The following KCNT2 variants were observed in gnomAD, a reference collection of about 807,000 sequenced individuals.
KCNT2 encodes potassium sodium-activated channel subfamily T member 2.
In KCNT2, 67 loss-of-function variants were observed where a neutral mutation model predicts 153.8. The observed-to-expected ratio is 0.44, with a 90% confidence interval of 0.36 to 0.53. The LOEUF (loss-of-function observed/expected upper bound fraction) is 0.53, where lower values mean the gene tolerates loss of function less well. Among genes scored for constraint, KCNT2 ranks in the 20% least tolerant of loss-of-function variants. KCNT2 has a pLI of 0.00. For synonymous variants in KCNT2, 500 were observed against 458.8 expected (o/e 1.09, Z -1.15); for missense variants, 975 against 1,354.8 (o/e 0.72, Z 4.40).
intron 8 of KCNT2, among the ~76,000 whole-genome samples, chr1:196,432,318 G>T (rs1330790093): frequency 6.6e-6 from 1 of 152,128 alleles, no homozygotes. Context: ...GCAGCACAGA[G>T]TCCCCAACTA....
chr1:196,492,167 C>T, intron 2 of KCNT2, 95 bp downstream of exon 2: 1 of 1,181,692 alleles, frequency 8.5e-7, no homozygotes. Context: ...AATTTTATTC[C>T]TCTATCTAAA....
At chr1:196,419,698 T>C (rs1286314741) in intron 12 of KCNT2, among the ~76,000 whole-genome samples, 5 of 152,074 alleles carry the variant, frequency 3.3e-5, no homozygotes, top group African/African-American at 1.2e-4. Flanking sequence ...CTTCAGAATT[T>C]TGAAAGCATT....
chr1:196,344,616 T>G (rs889109367), intron 14 of KCNT2, among the ~76,000 whole-genome samples: 2 of 152,140 alleles, frequency 1.3e-5, no homozygotes, highest in Admixed American at 1.3e-4. Flanking sequence ...AGTATTTGTT[T>G]GAGATCCAAA....
At chr1:196,358,552 ATTATTGT>A (rs1667362783) in intron 14 of KCNT2, among the ~76,000 whole-genome samples, 1 of 151,844 alleles carries the variant, frequency 6.6e-6, no homozygotes, top group Non-Finnish European at 1.5e-5. Flanking sequence ...AGTCTTCTAA[ATTATTGT>A]TTATACTACT....
chr1:196,507,915 A>G (rs1572676214), intron 1 of KCNT2, among the ~76,000 whole-genome samples: 1 of 152,002 alleles, frequency 6.6e-6, no homozygotes, highest in East Asian at 1.9e-4. Context: ...TATAATGAGT[A>G]AAAGATCAAA....
chr1:196,382,068 A>G (rs1445786110), intron 13 of KCNT2, among the ~76,000 whole-genome samples: 1 of 83,226 alleles, frequency 1.2e-5, no homozygotes, highest in Non-Finnish European at 3.0e-5. Context: ...ACTTAAGGAA[A>G]TAATGTTTAA....
intron 1 of KCNT2, among the ~76,000 whole-genome samples, chr1:196,535,127 C>T (rs1572749991): frequency 6.6e-6 from 1 of 152,130 alleles, no homozygotes; most frequent in African/African-American, 2.4e-5. Flanking sequence ...GGGTCAGTTC[C>T]TCTGAAATTA....
intron 1 of KCNT2, among the ~76,000 whole-genome samples, chr1:196,532,529 T>G (rs1365465854): frequency 6.6e-6 from 1 of 151,944 alleles, no homozygotes; most frequent in East Asian, 1.9e-4. Flanking sequence ...TATGTGTTTC[T>G]TACTCCAGCC....
At chr1:196,276,323 T>C (rs976204514) in intron 25 of KCNT2, among the ~76,000 whole-genome samples, 3 of 152,102 alleles carry the variant, frequency 2.0e-5, no homozygotes, top group Admixed American at 2.0e-4. Context: ...TTGATAACGA[T>C]GTTATATTCC....
chr1:196,334,487 C>CTTTTCTTTTTTTTTTTTTTTTTTTTT (rs1664802330), intron 16 of KCNT2, among the ~76,000 whole-genome samples: 1 of 87,264 alleles, frequency 1.1e-5, no homozygotes, highest in African/African-American at 4.4e-5. Flanking sequence ...TTCTTTCTTT[C>CTTTTCTTTTTTTTTTTTTTTTTTTTT]TTTTTTTTTT....
At chr1:196,583,258 CT>C (rs1236901469) in intron 1 of KCNT2, among the ~76,000 whole-genome samples, 1 of 152,094 alleles carries the variant, frequency 6.6e-6, no homozygotes, top group African/African-American at 2.4e-5. Flanking sequence ...GTGAACCAAG[CT>C]TTAAAAAGAA....
intron 26 of KCNT2, among the ~76,000 whole-genome samples, chr1:196,246,461 C>A (rs867486012): frequency 2.0e-5 from 3 of 152,068 alleles, no homozygotes; most frequent in Admixed American, 6.6e-5. Context: ...AGTAAATACA[C>A]ACACAAAAAT....
intron 24 of KCNT2, among the ~76,000 whole-genome samples, chr1:196,281,655 T>C (rs1463294213): frequency 6.6e-6 from 1 of 152,128 alleles, no homozygotes; most frequent in African/African-American, 2.4e-5. Flanking sequence ...AGTATACTTA[T>C]CTATAAAACA....
intron 26 of KCNT2, among the ~76,000 whole-genome samples, chr1:196,256,262 G>T (rs571632250): frequency 7.1e-4 from 108 of 151,840 alleles, no homozygotes; most frequent in Non-Finnish European, 1.2e-3. Flanking sequence ...TTTAAGCCTG[G>T]TATATCCTTT....
At chr1:196,556,088 C>T (rs993301447) in intron 1 of KCNT2, among the ~76,000 whole-genome samples, 2 of 151,396 alleles carry the variant, frequency 1.3e-5, no homozygotes, top group Non-Finnish European at 1.5e-5. Context: ...GAACATTGAT[C>T]TGGGCAAAAA....
intron 22 of KCNT2, among the ~76,000 whole-genome samples, chr1:196,288,720 G>A (rs1659906443): frequency 6.6e-6 from 1 of 152,060 alleles, no homozygotes; most frequent in Admixed American, 6.6e-5. Context: ...TGATACACAG[G>A]TCTCTAGATA....
intron 1 of KCNT2, among the ~76,000 whole-genome samples, chr1:196,546,413 A>G (rs899439240): frequency 6.6e-6 from 1 of 152,064 alleles, no homozygotes; most frequent in African/African-American, 2.4e-5. Flanking sequence ...TCTTTGCAGC[A>G]TATGGGCCTC....
intron 1 of KCNT2, among the ~76,000 whole-genome samples, chr1:196,509,899 C>G (rs1161623568): frequency 2.6e-5 from 4 of 151,982 alleles, no homozygotes. Flanking sequence ...AGGAGGACTC[C>G]ATAGGACTAT....
At chr1:196,237,661 A>G (rs948408957) in intron 26 of KCNT2, among the ~76,000 whole-genome samples, 1 of 151,826 alleles carries the variant, frequency 6.6e-6, no homozygotes, top group Admixed American at 6.6e-5. Context: ...GAATAAATGT[A>G]TCCCAAATAT....
Sources: allele counts gnomAD v4.1 joint callset (sites outside exome capture counted in the v4.1 genomes callset), GRCh38; gene constraint gnomAD v4.1.1; transcripts MANE v1.5; gene names NCBI Gene and HGNC (gene_info 2026-07-23, HGNC 2026-07-21).